The following ZFP41 variants were observed in gnomAD, a reference collection of about 807,000 sequenced individuals.
ZFP41 encodes ZFP41 zinc finger protein.
ZFP41 carries 10 observed loss-of-function variants against 11.6 expected under a neutral mutation model. The observed-to-expected ratio is 0.86, with a 90% CI of 0.53 to 1.47. ZFP41 has a LOEUF of 1.47. ZFP41 is among the 40% of genes most tolerant of loss of function. ZFP41 has a pLI of 0.00. For missense variants in ZFP41, 302 were observed against 264.6 expected, an observed-to-expected ratio of 1.14 and a Z score of -0.98; for synonymous variants, 123 against 100.9, an observed-to-expected ratio of 1.22 and a Z score of -1.31.
Position 143,250,505 on chromosome 8 carries a change from C to T in ZFP41, c.*65C>T, listed in dbSNP as rs1814711173. 1 of 1,557,570 alleles carries T rather than the reference C, an allele frequency of 6.4e-7. No homozygotes were observed. Among genetic ancestry groups the T allele is most frequent in the Non-Finnish European group, 8.7e-7 (1 of 1,152,126 alleles). ...CTCGCCGGACACCTGCTCCGTGGCT[C>T]CCTCGTGTCCCGCGTCTGATGGGGG... On this transcript the variant is annotated 3_prime_UTR_variant, in exon 2 of 3. Transcript: ENST00000330701.
intron 2 of ZFP41, among the ~76,000 whole-genome samples, chr8:143,257,271 C>T (rs1290922820): frequency 6.6e-6 from 1 of 152,226 alleles, no homozygotes; most frequent in African/African-American, 2.4e-5. Context: ...GCAGGCAGAT[C>T]ACCTGAGGAC....
Position 143,250,997 on chromosome 8 carries a change from G to A in ZFP41, c.*557G>A, listed in dbSNP as rs1352403670. ...CCAGCTTCAGTGCCCGGGGCCGCTT[G>A]TCCCTGCCCGGCCTCTGTGCCCCAA... On this transcript the variant is annotated 3_prime_UTR_variant, in exon 2 of 3. Transcript: ENST00000330701. 2.3e-5 allele frequency: 4 copies of A among 171,056 alleles called. No individual in the cohort carries two copies. The highest frequency in any genetic ancestry group is 5.6e-5 in the Non-Finnish European group (4 of 71,086). The allele number at this position is 171,056 out of a possible 1,614,324, so 10.6% of individuals were successfully genotyped here. A position where few individuals can be genotyped will look rare whatever the true frequency, so the allele number is the denominator to read the frequency against.
At chr8:143,255,182 G>A (rs1586715001) in intron 2 of ZFP41, among the ~76,000 whole-genome samples, 2 of 152,182 alleles carry the variant, frequency 1.3e-5, no homozygotes, top group South Asian at 2.1e-4. Flanking sequence ...TAGGACGCAC[G>A]TAGTGGGTCA....
At chr8:143,259,578 G>A (rs753278077) in intron 2 of ZFP41, among the ~76,000 whole-genome samples, 197 bp from the exon 3 acceptor site, 3 of 152,052 alleles carry the variant, frequency 2.0e-5, no homozygotes, top group Non-Finnish European at 2.9e-5. Context: ...ACGGGTTAAC[G>A]CCCACTTCCA....
rs890127171 is a variant in ZFP41 at position 143,259,820 on chromosome 8, T to A, written c.*946T>A. The A allele has an allele frequency of 6.6e-6, 1 of 152,228 alleles. No homozygotes were observed. The highest frequency in any genetic ancestry group is 1.5e-5 in the Non-Finnish European group (1 of 68,078). The allele number at this position is 152,228 out of a possible 1,614,324, so 9.4% of individuals were successfully genotyped here. The stretch of plus-strand genomic sequence containing the variant: ...CCAAAGCAAGAAGTTCCAGATGAAA[T>A]ATGCATAAGAAGCAGCCTCAAAACT... On this transcript the variant is annotated 3_prime_UTR_variant, in exon 3 of 3. Transcript: ENST00000330701.
In ZFP41 at chr8:143,258,969, C is replaced by T. The variant is rs999176113; in HGVS notation, c.*901-806C>T. Among the ~76,000 whole-genome samples, 12 of 152,210 alleles carry T rather than the reference C, an allele frequency of 7.9e-5. No homozygotes were observed. In the South Asian group the frequency reaches 1.4e-3, roughly 18 times the overall value. On this transcript the variant is annotated intron_variant, in intron 2 of 2. Transcript: ENST00000330701. ...GCAGCCTGGCGTTTTCTGGCAAAGG[C>T]GAAGATGTGCGTTCCTGCTGACCCA... is the stretch of plus-strand genomic sequence containing the variant.
At chr8:143,253,967 C>T (rs1338464628) in intron 2 of ZFP41, among the ~76,000 whole-genome samples, 1 of 152,092 alleles carries the variant, frequency 6.6e-6, no homozygotes, top group African/African-American at 2.4e-5. Flanking sequence ...GAGCGTGCAA[C>T]CTAGATCCCT....
At chr8:143,254,631 T>C (rs902557956) in intron 2 of ZFP41, among the ~76,000 whole-genome samples, 1 of 47,850 alleles carries the variant, frequency 2.1e-5, no homozygotes, top group African/African-American at 3.8e-5. Context: ...GGAGCGTTAC[T>C]TTTTTTTTTT....
chr8:143,262,310 A>G lies in ZFP41; in HGVS notation c.*3436A>G, dbSNP rs1020620372. 1 of 154,520 alleles carries G rather than the reference A, an allele frequency of 6.5e-6. No homozygotes were observed. Among genetic ancestry groups the G allele is most frequent in the Non-Finnish European group, 1.4e-5 (1 of 69,654 alleles). 9.6% of individuals were successfully genotyped at this position (154,520 alleles called of 1,614,324 possible). On this transcript the variant is annotated 3_prime_UTR_variant, in exon 3 of 3. Transcript: ENST00000330701. Reference sequence around the variant, plus strand: ...ATGCCTGGCATGTCTGAACACTCACATTCCCCAGGCATGCATGTGCAGCCG... The same window carrying G: ...ATGCCTGGCATGTCTGAACACTCACGTTCCCCAGGCATGCATGTGCAGCCG...
rs927940037 is a variant in ZFP41 at position 143,260,165 on chromosome 8, G to A, written c.*1291G>A. 6 of 151,280 alleles carry A rather than the reference G, an allele frequency of 4.0e-5. No individual in the cohort carries two copies. Among genetic ancestry groups the A allele is most frequent in the Non-Finnish European group, 7.4e-5 (5 of 67,924 alleles). The allele number at this position is 151,280 out of a possible 1,614,324, so 9.4% of individuals were successfully genotyped here. On this transcript the variant is annotated 3_prime_UTR_variant, in exon 3 of 3. Transcript: ENST00000330701. ...GTGCAGGGAAGCACCCTGTGAAGTC[G>A]TGCAGGGAAGCACCTTCTGAAATCG...
At chr8:143,247,309 G>A (rs896355413) in intron 1 of ZFP41, 167 bp downstream of exon 1, 3 of 152,306 alleles carry the variant, frequency 2.0e-5, no homozygotes, top group African/African-American at 7.2e-5. Flanking sequence ...CGTGGGCCGC[G>A]GGGCTCTGCC....
intron 2 of ZFP41, among the ~76,000 whole-genome samples, chr8:143,256,613 C>T (rs1814920430): frequency 6.6e-6 from 1 of 152,198 alleles, no homozygotes; most frequent in African/African-American, 2.4e-5. Flanking sequence ...TGTGGTGACT[C>T]ACATCTGTAA....
At chr8:143,259,192 C>T (rs772670225) in intron 2 of ZFP41, among the ~76,000 whole-genome samples, 3 of 152,202 alleles carry the variant, frequency 2.0e-5, no homozygotes, top group Non-Finnish European at 4.4e-5. Context: ...CCACGTCAAC[C>T]CCTACGTGAC....
intron 2 of ZFP41, among the ~76,000 whole-genome samples, chr8:143,255,741 G>C (rs1415795676): frequency 7.9e-6 from 1 of 127,152 alleles, no homozygotes; most frequent in African/African-American, 3.1e-5. Flanking sequence ...CCGCGTGCTG[G>C]TGTTAGTGAG....
chr8:143,247,574 A>G (rs544051472), intron 1 of ZFP41: 1 of 152,352 alleles, frequency 6.6e-6, no homozygotes, highest in East Asian at 1.9e-4. Context: ...GGCAGCCCTT[A>G]CCGCCCACGG....
At chr8:143,251,641 C>T (rs1814759590) in intron 2 of ZFP41, among the ~76,000 whole-genome samples, 2 of 152,362 alleles carry the variant, frequency 1.3e-5, no homozygotes, top group South Asian at 4.1e-4. Flanking sequence ...TGGCCTTGGC[C>T]TTGTCCATTG....
chr8:143,257,422 A>C (rs1814938556), intron 2 of ZFP41, among the ~76,000 whole-genome samples: 1 of 152,180 alleles, frequency 6.6e-6, no homozygotes. Context: ...GCTTGAACCC[A>C]GGAGGCGGAG....
At position 143,250,373 on chromosome 8, in the gene ZFP41, G is replaced by C. The variant is rs1363966562; in HGVS notation, c.530G>C (p.Gly177Ala). The C allele has an allele frequency of 1.9e-6, 3 of 1,614,038 alleles. No individual in the cohort carries two copies. The highest frequency in any genetic ancestry group is 3.3e-4 in the Middle Eastern group (2 of 6,062). ...GEKPYECTHC[G>A]KAFAYSSCLI... is the part of the protein sequence containing the mutation. Reference sequence around the variant, plus strand: ...AAGCCCTACGAATGCACGCACTGTGGGAAAGCCTTTGCCTACAGCTCCTGT... The same window carrying C: ...AAGCCCTACGAATGCACGCACTGTGCGAAAGCCTTTGCCTACAGCTCCTGT... The change falls in exon 2 of 3, where the codon GGG (glycine) becomes GCG (alanine). Residue 177 changes from glycine to alanine, a missense_variant. Coordinates refer to ENST00000330701, the MANE Select transcript of ZFP41 (RefSeq NM_173832.6).
At chr8:143,254,267 TACCC>T (rs1338599088) in intron 2 of ZFP41, among the ~76,000 whole-genome samples, 2 of 152,248 alleles carry the variant, frequency 1.3e-5, no homozygotes, top group African/African-American at 4.8e-5. Flanking sequence ...TACAAAAACT[TACCC>T]AGCCTCGGGT....
Sources: allele counts gnomAD v4.1 joint callset (sites outside exome capture counted in the v4.1 genomes callset), GRCh38; gene constraint gnomAD v4.1.1; transcripts MANE v1.5; gene names NCBI Gene and HGNC (gene_info 2026-07-23, HGNC 2026-07-21).